The following ZNF395 variants were observed in gnomAD, a reference collection of about 807,000 sequenced individuals.
The protein encoded by ZNF395 is HD gene regulatory region-binding protein 2.
ZNF395 carries 20 observed loss-of-function variants against 57.7 expected under a neutral mutation model. The ratio of observed to expected loss-of-function variants is 0.35; its 90% confidence interval spans 0.24 to 0.50. The LOEUF is 0.50. Among genes scored for constraint, ZNF395 ranks in the 20% least tolerant of loss-of-function variants. The pLI is 0.97. For missense variants in ZNF395, 606 were observed against 671.2 expected, an observed-to-expected ratio of 0.90 and a Z score of 1.07; for synonymous variants, 295 against 275.9, an observed-to-expected ratio of 1.07 and a Z score of -0.69.
In ZNF395 at chr8:28,352,693, G is replaced by T; in HGVS notation, c.820-20C>A. The T allele has an allele frequency of 6.3e-7, 1 of 1,596,320 alleles. No individual in the cohort carries two copies. Among genetic ancestry groups the T allele is most frequent in the Non-Finnish European group, 8.6e-7 (1 of 1,163,940 alleles). On this transcript the variant is annotated intron_variant, in intron 5 of 9. Coordinates refer to ENST00000344423, the MANE Select transcript of ZNF395 (RefSeq NM_018660.3). This position sits in a 1 kb window ranked among gnomAD's most constrained non-coding sequence, Gnocchi z 4.0. ...AGAGTTCTACAGGAAAGGAAGACAG[G>T]GTGAGTGGATATGTCTTTCTCCTTA...
In ZNF395 at chr8:28,351,622, G is replaced by A; in HGVS notation, c.1106C>T (p.Pro369Leu). 1 of 1,613,668 alleles carries A rather than the reference G, an allele frequency of 6.2e-7. No homozygotes were observed. The highest frequency in any genetic ancestry group is 8.5e-7 in the Non-Finnish European group (1 of 1,180,018). Reference sequence around the variant, plus strand: ...GGAGGACTGGGCTTTGTGCAGAGGTGGTGGAAGAGCAGACAGAGGCAGGCC... The same window carrying A: ...GGAGGACTGGGCTTTGTGCAGAGGTAGTGGAAGAGCAGACAGAGGCAGGCC... ...MTGLPLSALP[P>L]PLHKAQSSGP... The change falls in exon 7 of 10, where the codon CCA (proline) becomes CTA (leucine). Residue 369 changes from proline (P) to leucine (L), a missense_variant. Pro to Leu is a moderately conservative substitution (Grantham distance 98). Around this residue, in one of 3 missense-constraint regions of ZNF395, gnomAD observed 261 missense variants for 240.3 expected, o/e 1.09. Coordinates refer to ENST00000344423, the MANE Select transcript of ZNF395 (RefSeq NM_018660.3).
rs145722939 is a variant in ZNF395, at chr8:28,360,921, C to T, written c.204G>A (p.Ser68=). ...GCTGAAAGGCCACCTGCTGAAGGCCCGAGGTGCTGGGAGCCTTAAGGACTT... is the reference window on the plus strand; with the variant it reads ...GCTGAAAGGCCACCTGCTGAAGGCCTGAGGTGCTGGGAGCCTTAAGGACTT... The part of the protein sequence containing the change: ...PKEVLKAPST[S]GLQQVAFQPG... The change falls in exon 2 of 10, where the codon TCG becomes TCA. Residue 68 remains serine, a synonymous_variant. Coordinates refer to ENST00000344423, the MANE Select transcript of ZNF395 (RefSeq NM_018660.3). 8.7e-6 allele frequency: 14 copies of T among 1,613,826 alleles called. No individual in the cohort carries two copies. Among genetic ancestry groups the T allele is most frequent in the East Asian group, 2.2e-5 (1 of 44,892 alleles).
In ZNF395 at chr8:28,356,462, GGA is replaced by G. The variant is rs1438432786; in HGVS notation, c.583+206_583+207del. On this transcript the variant is annotated intron_variant, in intron 4 of 9. Transcript: ENST00000344423. The surrounding 1 kb of genome is among the most constrained non-coding windows in gnomAD (Gnocchi z 4.0). Reference sequence around the variant, plus strand: ...GCTCAACCATCTTCACAATGTACCAGGAAACTCCTCCCCAGGTGAGGAAACTG... The same window carrying G: ...GCTCAACCATCTTCACAATGTACCAGAACTCCTCCCCAGGTGAGGAAACTG... Among the ~76,000 whole-genome samples the G allele has an allele frequency of 6.6e-6, 1 of 152,186 alleles. No homozygotes were observed. The highest frequency in any genetic ancestry group is 1.5e-5 in the Non-Finnish European group (1 of 68,038).
In ZNF395 at chr8:28,361,028, G is replaced by A; in HGVS notation, c.97C>T (p.Pro33Ser). The A allele has an allele frequency of 6.2e-7, 1 of 1,610,574 alleles. No individual in the cohort carries two copies. Residue 33 changes from proline (P) to serine (S), a missense_variant, in exon 2 of 10, where the codon CCC (proline) becomes TCC (serine). Transcript: ENST00000344423. ...SASEGPSAAPPSEPLLEGAAP... is the reference protein window; with the variant it reads ...SASEGPSAAPSSEPLLEGAAP... ...GCCCCTTCTAGCAGTGGCTCCGAGGGTGGGGCAGCCGAGGGCCCCTCCGAG... is the reference window on the plus strand; with the variant it reads ...GCCCCTTCTAGCAGTGGCTCCGAGGATGGGGCAGCCGAGGGCCCCTCCGAG...
rs557476742 is a variant in ZNF395 at position 28,353,080 on chromosome 8, G to C, written c.819+93C>G. 69 of 1,197,262 alleles carry C rather than the reference G, an allele frequency of 5.8e-5. No individual in the cohort carries two copies. The East Asian group carries it at 1.5e-3, about 27-fold the overall frequency. The allele number at this position is 1,197,262 out of a possible 1,614,324, so 74.2% of individuals were successfully genotyped here. A position where few individuals can be genotyped will look rare whatever the true frequency, so the allele number is the denominator to read the frequency against. ...GGGAGTGAACCCAAGACTATCTAGG[G>C]CCTGCAGGGTCCCCTGCTCTCCACG... On this transcript the variant is annotated intron_variant, in intron 5 of 9. Coordinates refer to ENST00000344423, the MANE Select transcript of ZNF395 (RefSeq NM_018660.3).
At chr8:28,386,173 A>C (rs1230977838) in intron 1 of ZNF395, 2 of 146,286 alleles carry the variant, frequency 1.4e-5, no homozygotes, top group African/African-American at 2.5e-5. Flanking sequence ...GTTGGCGCCC[A>C]CCTGGCCGGC....
chr8:28,370,913 C>T (rs546732899), intron 1 of ZNF395, among the ~76,000 whole-genome samples: 1 of 152,306 alleles, frequency 6.6e-6, no homozygotes, highest in South Asian at 2.1e-4. Flanking sequence ...ATATGTAATC[C>T]GTGGCCTTTC....
At chr8:28,363,246 C>T (rs1801872089) in intron 1 of ZNF395, among the ~76,000 whole-genome samples, 1 of 152,010 alleles carries the variant, frequency 6.6e-6, no homozygotes, top group African/African-American at 2.4e-5. Flanking sequence ...ATTCTCCTAC[C>T]TCAGCCTCCC....
intron 4 of ZNF395, among the ~76,000 whole-genome samples, chr8:28,355,415 T>C (rs553220113): frequency 6.6e-6 from 1 of 151,794 alleles, no homozygotes; most frequent in South Asian, 2.1e-4. Flanking sequence ...ATAAAAAATA[T>C]ACTGTCATCA....
chr8:28,353,418 T>C lies in ZNF395; in HGVS notation c.584-10A>G, dbSNP rs939776377. On this transcript the variant is annotated splice_polypyrimidine_tract_variant and intron_variant, in intron 4 of 9. Coordinates refer to ENST00000344423, the MANE Select transcript of ZNF395 (RefSeq NM_018660.3). The stretch of plus-strand genomic sequence containing the variant: ...CAGGCCGCACGGGAAGCTGGCCAGA[T>C]GAAGAAAAGATGAGAGGACGCTCAC... The C allele has an allele frequency of 6.6e-7, 1 of 1,506,696 alleles. No individual in the cohort carries two copies. Among genetic ancestry groups the C allele is most frequent in the Non-Finnish European group, 8.9e-7 (1 of 1,126,402 alleles). 93.3% of individuals were successfully genotyped at this position (1,506,696 alleles called of 1,614,324 possible).
chr8:28,370,204 T>TA (rs60927229), intron 1 of ZNF395, among the ~76,000 whole-genome samples: 176 of 145,922 alleles, frequency 1.2e-3, no homozygotes, highest in Middle Eastern at 3.6e-3. Flanking sequence ...GTTATGAATC[T>TA]AAAAAAAAAA....
At chr8:28,360,357 C>T (rs1275405011) in intron 2 of ZNF395, among the ~76,000 whole-genome samples, 2 of 152,196 alleles carry the variant, frequency 1.3e-5, no homozygotes. Flanking sequence ...TTTAGGAGGC[C>T]TTGAGAGGGC....
intron 1 of ZNF395, among the ~76,000 whole-genome samples, chr8:28,362,961 C>T (rs935463872): frequency 1.3e-5 from 2 of 152,112 alleles, no homozygotes; most frequent in Non-Finnish European, 1.5e-5. Context: ...AGTCACAGCA[C>T]GCAGACAGAA....
At chr8:28,369,661 G>A (rs544542889) in intron 1 of ZNF395, among the ~76,000 whole-genome samples, 1 of 152,294 alleles carries the variant, frequency 6.6e-6, no homozygotes, top group East Asian at 1.9e-4. Context: ...TCTCAGCCTT[G>A]GGGCCCTGCC....
intron 1 of ZNF395, among the ~76,000 whole-genome samples, chr8:28,379,397 G>A (rs1802082712): frequency 6.6e-6 from 1 of 152,104 alleles, no homozygotes; most frequent in East Asian, 1.9e-4. Flanking sequence ...AAGCTCAGTG[G>A]CCCATGTGCG....
At chr8:28,366,410 G>T (rs572174877) in intron 1 of ZNF395, among the ~76,000 whole-genome samples, 1 of 152,212 alleles carries the variant, frequency 6.6e-6, no homozygotes, top group African/African-American at 2.4e-5. Flanking sequence ...GTTTTTCAGT[G>T]TGATGTTCTA....
Position 28,346,160 on chromosome 8 carries a change from G to A in ZNF395, c.*2559C>T, listed in dbSNP as rs984439006. ...GAAATATTCTGAAAAAAGTCACATC[G>A]CTGGAATAAACAGTTTCCCAAGATA... On this transcript the variant is annotated 3_prime_UTR_variant, in exon 10 of 10. Transcript: ENST00000344423. The A allele has an allele frequency of 6.6e-6, 1 of 152,082 alleles. No individual in the cohort carries two copies. Among genetic ancestry groups the A allele is most frequent in the Non-Finnish European group, 1.5e-5 (1 of 68,020 alleles). 9.4% of individuals were successfully genotyped at this position (152,082 alleles called of 1,614,324 possible).
At chr8:28,356,000 C>G (rs1166461113) in intron 4 of ZNF395, among the ~76,000 whole-genome samples, 2 of 152,212 alleles carry the variant, frequency 1.3e-5, no homozygotes, top group Admixed American at 1.3e-4. Flanking sequence ...GTAGGGTAGG[C>G]CAGCCCTGCC....
intron 7 of ZNF395, among the ~76,000 whole-genome samples, chr8:28,350,680 G>A (rs527865895): frequency 4.6e-5 from 7 of 152,308 alleles, no homozygotes; most frequent in Middle Eastern, 3.4e-3. Context: ...ATCGCTAAGC[G>A]GCCACTCATT....
Sources: gnomAD v4.1 joint callset for allele counts (sites outside exome capture counted in the v4.1 genomes callset) on GRCh38, gnomAD v4.1.1 for gene constraint, gnomAD v4.1.1 regional missense constraint, Gnocchi (gnomAD v3.1) non-coding constraint, MANE v1.5 for transcripts, NCBI Gene and HGNC (gene_info 2026-07-23, HGNC 2026-07-21) for gene names.